Variants in WEE1 observed in about 807,000 individuals in gnomAD.
WEE1 encodes wee1-like protein kinase.
In WEE1, 16 loss-of-function variants were observed where a neutral mutation model predicts 68.8. The ratio of observed to expected loss-of-function variants is 0.23; its 90% CI spans 0.16 to 0.35. The LOEUF (loss-of-function observed/expected upper bound fraction) is 0.35, where lower values mean the gene tolerates loss of function less well. Among genes scored for constraint, WEE1 ranks in the 10% least tolerant of loss-of-function variants. WEE1 has a pLI of 1.00. For missense variants in WEE1, 651 were observed against 824.1 expected (o/e 0.79, Z 2.57); for synonymous variants, 349 against 318.7 (o/e 1.09, Z -1.01).
chr11:9,581,517 T>G lies in WEE1; in HGVS notation c.1142-15T>G. 6.3e-7 allele frequency: 1 copy of G among 1,581,150 alleles called. No homozygotes were observed. Among genetic ancestry groups the G allele is most frequent in the Non-Finnish European group, 8.6e-7 (1 of 1,169,128 alleles). ...TCAGAAAGAAGAAAATGCTAATATT[T>G]TCTATCTTTGTTAGGTGGAAGTTTA... is the stretch of plus-strand genomic sequence containing the variant. On this transcript the variant is annotated splice_polypyrimidine_tract_variant and intron_variant, in intron 5 of 10. Transcript: ENST00000450114.
rs1849548174 is a variant in WEE1, at chr11:9,574,958, G to A, written c.576+449G>A. 2.0e-6 allele frequency: 2 copies of A among 985,544 alleles called. No individual in the cohort carries two copies. Among genetic ancestry groups the A allele is most frequent in the Non-Finnish European group, 2.4e-6 (2 of 830,130 alleles). The allele number at this position is 985,544 out of a possible 1,614,324, so 61.0% of individuals were successfully genotyped here. A position where few individuals can be genotyped will look rare whatever the true frequency, so the allele number is the denominator to read the frequency against. ...AGAAGGAGTTTAAAGAAAAATAATT[G>A]TCCCGCCCTGATCGTGTCGTGTCGT... is the stretch of plus-strand genomic sequence containing the variant. On this transcript the variant is annotated intron_variant, in intron 1 of 10. Transcript: ENST00000450114. This position sits in a 1 kb window ranked among gnomAD's most constrained non-coding sequence, Gnocchi z 4.9.
At chr11:9,580,197 C>T (rs1849609268) in intron 5 of WEE1, 1 of 151,000 alleles carries the variant, frequency 6.6e-6, no homozygotes, top group South Asian at 2.1e-4. Context: ...TGACAATGGG[C>T]ATATATATTG....
At chr11:9,588,077 C>G (rs1477235991) in intron 10 of WEE1, among the ~76,000 whole-genome samples, 1 of 151,948 alleles carries the variant, frequency 6.6e-6, no homozygotes, top group Non-Finnish European at 1.5e-5. Flanking sequence ...TGCAGTGGCA[C>G]TATCATAGCT....
chr11:9,581,817 ATTG>A (rs1184088648), intron 6 of WEE1, 139 bp downstream of exon 6: 32 of 851,046 alleles, frequency 3.8e-5, no homozygotes, highest in Non-Finnish European at 5.1e-5. Flanking sequence ...ACTTACCAAT[ATTG>A]TTTTATGATT....
intron 5 of WEE1, chr11:9,579,227 G>T (rs1235989225): frequency 6.6e-6 from 1 of 152,164 alleles, no homozygotes; most frequent in African/African-American, 2.4e-5. Flanking sequence ...GCCTCTTTGT[G>T]TGGCTATTTG....
chr11:9,577,664 G>T (rs1849578983), intron 5 of WEE1: 2 of 327,914 alleles, frequency 6.1e-6, no homozygotes, highest in Admixed American at 9.3e-5. Flanking sequence ...ACTGATGTTT[G>T]TTAGTCACTG....
At chr11:9,582,792 A>T (rs9630153) in intron 6 of WEE1, among the ~76,000 whole-genome samples, 6 of 151,452 alleles carry the variant, frequency 4.0e-5, no homozygotes, top group African/African-American at 9.7e-5. Context: ...GTCTTGAACT[A>T]TTGACCTTGT....
chr11:9,573,949 C>A lies in WEE1; in HGVS notation c.16C>A (p.Arg6=). The A allele has an allele frequency of 7.8e-7, 1 of 1,289,902 alleles. No homozygotes were observed. Among genetic ancestry groups the A allele is most frequent in the Non-Finnish European group, 9.8e-7 (1 of 1,018,956 alleles). The allele number at this position is 1,289,902 out of a possible 1,614,324, so 79.9% of individuals were successfully genotyped here. A position where few individuals can be genotyped will look rare whatever the true frequency, so the allele number is the denominator to read the frequency against. The change falls in exon 1 of 11, where the codon CGA becomes AGA. Residue 6 remains arginine (R), a synonymous_variant. Transcript: ENST00000450114. ...CAGGGCCGCGATGAGCTTCCTGAGC[C>A]GACAGCAGCCGCCGCCACCCCGCCG... The part of the protein sequence containing the change: MSFLS[R]QQPPPPRRAG...
chr11:9,586,756 C>A lies in WEE1; in HGVS notation c.1687C>A (p.Leu563Met). 1 of 1,614,058 alleles carries A rather than the reference C, an allele frequency of 6.2e-7. No individual in the cohort carries two copies. Among genetic ancestry groups the A allele is most frequent in the Non-Finnish European group, 8.5e-7 (1 of 1,179,984 alleles). ...AGAGAGAAGACCTTCAGCAATGGCA[C>A]TGGTAAAGCATTCAGTATTGCTGTC... ...DPERRPSAMALVKHSVLLSAS... is the reference protein window; with the variant it reads ...DPERRPSAMAMVKHSVLLSAS... The change falls in exon 10 of 11, where the codon CTG becomes ATG. Residue 563 changes from leucine to methionine, a missense_variant. Around this residue, in one of 5 missense-constraint regions of WEE1, gnomAD observed 115 missense variants for 142.7 expected, o/e 0.81. Transcript: ENST00000450114.
Position 9,588,462 on chromosome 11 carries a change from G to A in WEE1, c.1801G>A (p.Ala601Thr), listed in dbSNP as rs1273411856. 1 of 1,592,950 alleles carries A rather than the reference G, an allele frequency of 6.3e-7. No individual in the cohort carries two copies. Among genetic ancestry groups the A allele is most frequent in the South Asian group, 1.1e-5 (1 of 87,076 alleles). ...TTTTTATGTCAGAGAACTCAAGAAA[G>A]CACAGATGGCAAAAGCTGCAGCTGA... ...NSLLQKELKKAQMAKAAAEER... is the reference protein window; with the variant it reads ...NSLLQKELKKTQMAKAAAEER... Residue 601 changes from alanine (A) to threonine (T), a missense_variant, in exon 11 of 11, where the codon GCA becomes ACA. Physicochemically the swap from Ala to Thr is moderately conservative, Grantham distance 58 (BLOSUM62 0). Transcript: ENST00000450114.
In WEE1 at chr11:9,589,184, G is replaced by A. The variant is rs546172356; in HGVS notation, c.*582G>A. The stretch of plus-strand genomic sequence containing the variant: ...GTTTTGTCTTTGCTGTAAACTTGTA[G>A]CATTAAACAATCATTGTTGTTAATA... On this transcript the variant is annotated 3_prime_UTR_variant, in exon 11 of 11. Coordinates refer to ENST00000450114, the MANE Select transcript of WEE1 (RefSeq NM_003390.4). 6.1e-6 allele frequency: 6 copies of A among 985,522 alleles called. No individual in the cohort carries two copies. The South Asian group carries it at 2.4e-4, about 39-fold the overall frequency. The allele number at this position is 985,522 out of a possible 1,614,324, so 61.0% of individuals were successfully genotyped here.
Position 9,574,879 on chromosome 11 carries a change from CAT to C in WEE1, c.576+372_576+373del. ...GCCCGGCCACCTGACACTCCCGAGC[CAT>C]AGGATGCCTTTTAAACGCGGCGATC... On this transcript the variant is annotated intron_variant, in intron 1 of 10. Coordinates refer to ENST00000450114, the MANE Select transcript of WEE1 (RefSeq NM_003390.4). This position sits in a 1 kb window ranked among gnomAD's most constrained non-coding sequence, Gnocchi z 4.9. 1 of 987,746 alleles carries C rather than the reference CAT, an allele frequency of 1.0e-6. No homozygotes were observed. The highest frequency in any genetic ancestry group is 4.7e-5 in the South Asian group (1 of 21,318). The allele number at this position is 987,746 out of a possible 1,614,324, so 61.2% of individuals were successfully genotyped here.
chr11:9,574,135 C>G lies in WEE1; in HGVS notation c.202C>G (p.Pro68Ala). The G allele has an allele frequency of 5.8e-6, 7 of 1,207,716 alleles. No homozygotes were observed. The highest frequency in any genetic ancestry group is 7.2e-6 in the Non-Finnish European group (7 of 972,976). 74.8% of individuals were successfully genotyped at this position (1,207,716 alleles called of 1,614,324 possible). A position where few individuals can be genotyped will look rare whatever the true frequency, so the allele number is the denominator to read the frequency against. ...PDSPLPPARSPTEPGPERRRS... is the reference protein window; with the variant it reads ...PDSPLPPARSATEPGPERRRS... ...CTCGCCGCTGCCGCCCGCGCGGAGCCCCACGGAGCCCGGGCCCGAGCGCCG... is the reference window on the plus strand; with the variant it reads ...CTCGCCGCTGCCGCCCGCGCGGAGCGCCACGGAGCCCGGGCCCGAGCGCCG... Residue 68 changes from proline to alanine, a missense_variant, in exon 1 of 11, where the codon CCC becomes GCC. Pro to Ala is a conservative substitution (Grantham distance 27). Coordinates refer to ENST00000450114, the MANE Select transcript of WEE1 (RefSeq NM_003390.4). The surrounding 1 kb of genome is among the most constrained non-coding windows in gnomAD (Gnocchi z 4.9).
intron 6 of WEE1, among the ~76,000 whole-genome samples, chr11:9,583,822 T>C (rs1468937232): frequency 2.4e-3 from 83 of 34,454 alleles, no homozygotes; most frequent in South Asian, 7.5e-3. Context: ...TATATATATA[T>C]ATATATATAT....
intron 6 of WEE1, among the ~76,000 whole-genome samples, chr11:9,583,757 G>GCACACACA (rs1565089818): frequency 3.5e-4 from 4 of 11,544 alleles, no homozygotes; most frequent in Non-Finnish European, 8.2e-4. Flanking sequence ...GCGTGCACGC[G>GCACACACA]CGCGCACACA....
rs1849687321 is a variant in WEE1, at chr11:9,585,248, T to C, written c.1289-10T>C. 2 of 1,597,994 alleles carry C rather than the reference T, an allele frequency of 1.3e-6. No homozygotes were observed. Among genetic ancestry groups the C allele is most frequent in the South Asian group, 2.2e-5 (2 of 90,392 alleles). On this transcript the variant is annotated splice_polypyrimidine_tract_variant and intron_variant, in intron 6 of 10. Transcript: ENST00000450114. ...TATTAGTTTGGCTTACATAATTAAC[T>C]GTTTGACAGGTAATATTTTCATATC...
rs774011159 is a variant in WEE1 at position 9,585,207 on chromosome 11, A to G, written c.1289-51A>G. On this transcript the variant is annotated intron_variant, in intron 6 of 10. Coordinates refer to ENST00000450114, the MANE Select transcript of WEE1 (RefSeq NM_003390.4). ...TTCTGGTATATGATCTTGTTTATGAACTCTGGTTTTATTATTATTAGTTTG... is the reference window on the plus strand; with the variant it reads ...TTCTGGTATATGATCTTGTTTATGAGCTCTGGTTTTATTATTATTAGTTTG... 6.3e-5 allele frequency: 86 copies of G among 1,360,954 alleles called. 1 individual carries two copies. In the Middle Eastern group the frequency reaches 1.2e-3, roughly 19 times the overall value. 84.3% of individuals were successfully genotyped at this position (1,360,954 alleles called of 1,614,324 possible).
chr11:9,574,041 GGAA>G lies in WEE1; in HGVS notation c.114_116del (p.Glu43del), dbSNP rs773317278. ...CGCCCTGCAGCGACTGTGAGGAGGAGGAAGAAGAGGAGGAGGAGGAGGGCAGCG... is the reference window on the plus strand; with the variant it reads ...CGCCCTGCAGCGACTGTGAGGAGGAGGAAGAGGAGGAGGAGGAGGGCAGCG... On this transcript the variant is annotated inframe_deletion, in exon 1 of 11. Coordinates refer to ENST00000450114, the MANE Select transcript of WEE1 (RefSeq NM_003390.4). The surrounding 1 kb of genome is among the most constrained non-coding windows in gnomAD (Gnocchi z 4.9). 4.0e-6 allele frequency: 5 copies of G among 1,262,238 alleles called. No homozygotes were observed. The African/African-American group carries it at 6.2e-5, about 16-fold the overall frequency. The allele number at this position is 1,262,238 out of a possible 1,614,324, so 78.2% of individuals were successfully genotyped here. A position where few individuals can be genotyped will look rare whatever the true frequency, so the allele number is the denominator to read the frequency against.
chr11:9,581,072 G>A (rs1849622438), intron 5 of WEE1: 1 of 156,296 alleles, frequency 6.4e-6, no homozygotes, highest in African/African-American at 2.4e-5. Flanking sequence ...TCTGTGGAGT[G>A]GGGCACCACC....
Sources: gnomAD v4.1 joint callset for allele counts (sites outside exome capture counted in the v4.1 genomes callset) on GRCh38, gnomAD v4.1.1 for gene constraint, gnomAD v4.1.1 regional missense constraint, Gnocchi (gnomAD v3.1) non-coding constraint, MANE v1.5 for transcripts, NCBI Gene and HGNC (gene_info 2026-07-23, HGNC 2026-07-21) for gene names.